DNAJC8: variants seen among roughly 807,000 people sequenced by gnomAD.
The protein encoded by DNAJC8 is dnaJ homolog subfamily C member 8.
Under a neutral mutation model 43.2 loss-of-function variants are expected in DNAJC8, and 24 were observed. That is an observed-to-expected ratio of 0.56 (90% CI 0.40 to 0.78). The LOEUF is 0.78. Among genes scored for constraint, DNAJC8 ranks in the 30% least tolerant of loss-of-function variants. DNAJC8 has a pLI of 0.00. For missense variants in DNAJC8, 207 were observed against 299.4 expected (o/e 0.69, Z 2.28); for synonymous variants, 83 against 98.0 (o/e 0.85, Z 0.90).
At chr1:28,204,159 C>CATTAT (rs1646754410) in intron 7 of DNAJC8, among the ~76,000 whole-genome samples, 1 of 152,144 alleles carries the variant, frequency 6.6e-6, no homozygotes, top group Admixed American at 6.6e-5. Context: ...GCAGAATGAC[C>CATTAT]ATTATAAAGC....
chr1:28,220,625 G>A (rs1462620462), intron 2 of DNAJC8, among the ~76,000 whole-genome samples: 1 of 152,162 alleles, frequency 6.6e-6, no homozygotes, highest in Non-Finnish European at 1.5e-5. Flanking sequence ...TGTGAGGGCA[G>A]AGACCTAATC....
At chr1:28,230,434 T>C (rs994490019) in intron 1 of DNAJC8, among the ~76,000 whole-genome samples, 1 of 152,144 alleles carries the variant, frequency 6.6e-6, no homozygotes, top group Non-Finnish European at 1.5e-5. Flanking sequence ...GTTAAATGAA[T>C]GAGGCCAGTG....
intron 3 of DNAJC8, among the ~76,000 whole-genome samples, chr1:28,212,265 T>G (rs1380316301): frequency 8.7e-6 from 1 of 115,532 alleles, no homozygotes; most frequent in African/African-American, 3.7e-5. Context: ...ATATTCGTTG[T>G]TCTATTCTTT....
chr1:28,226,561 A>C (rs547926859), intron 2 of DNAJC8, among the ~76,000 whole-genome samples: 4 of 151,428 alleles, frequency 2.6e-5, no homozygotes, highest in Non-Finnish European at 5.9e-5. Context: ...GAAATGATTA[A>C]ATAAATTATA....
chr1:28,214,835 A>G, intron 3 of DNAJC8, 105 bp downstream of exon 3: 1 of 908,910 alleles, frequency 1.1e-6, no homozygotes, highest in Non-Finnish European at 1.6e-6. Flanking sequence ...CTTAAAAAAA[A>G]GTTAAATTTT....
Position 28,208,367 on chromosome 1 carries a change from A to G in DNAJC8, c.446T>C (p.Ile149Thr), listed in dbSNP as rs1213105162. 1 of 1,613,366 alleles carries G rather than the reference A, an allele frequency of 6.2e-7. No homozygotes were observed. The highest frequency in any genetic ancestry group is 1.3e-5 in the African/African-American group (1 of 74,818). Residue 149 changes from isoleucine (I) to threonine (T), a missense_variant, in exon 6 of 9, where the codon ATT (isoleucine) becomes ACT (threonine). Around this residue, in one of 2 missense-constraint regions of DNAJC8, gnomAD observed 159 missense variants for 267.5 expected, o/e 0.59. Transcript: ENST00000263697. Reference protein sequence around the residue: ...KQLKKEGKPTIVEEDDPELFK... With the variant: ...KQLKKEGKPTTVEEDDPELFK... ...CAGCTCAGGATCATCCTCCTCTACAATTGTAGGTTTTCCTTCCTTCTTTAA... is the reference window on the plus strand; with the variant it reads ...CAGCTCAGGATCATCCTCCTCTACAGTTGTAGGTTTTCCTTCCTTCTTTAA...
Position 28,201,646 on chromosome 1 carries a change from G to A in DNAJC8, c.640-276C>T, listed in dbSNP as rs192394427. On this transcript the variant is annotated intron_variant, in intron 8 of 8. Transcript: ENST00000263697. ...TCTAATAAAAATACAAAAATTAGCC[G>A]GGCGTGGTGGCAGGTGCCTGTAATC... Among the ~76,000 whole-genome samples, 620 of 152,056 alleles carry A rather than the reference G, an allele frequency of 4.1e-3. 7 individuals are homozygous for A. The highest frequency in any genetic ancestry group is 0.014 in the African/African-American group (594 of 41,474).
chr1:28,222,951 G>C (rs1341021659), intron 2 of DNAJC8, among the ~76,000 whole-genome samples: 1 of 152,164 alleles, frequency 6.6e-6, no homozygotes, highest in Non-Finnish European at 1.5e-5. Flanking sequence ...GATGAGGAAA[G>C]CATCCGTGTG....
At chr1:28,229,479 G>GAA (rs34166816) in intron 1 of DNAJC8, among the ~76,000 whole-genome samples, 1 of 150,534 alleles carries the variant, frequency 6.6e-6, no homozygotes, top group East Asian at 1.9e-4. Flanking sequence ...TTAATTTTAA[G>GAA]AAAAAAAAAA....
At chr1:28,228,094 T>C (rs1490627542) in intron 2 of DNAJC8, among the ~76,000 whole-genome samples, 1 of 152,158 alleles carries the variant, frequency 6.6e-6, no homozygotes, top group African/African-American at 2.4e-5. Context: ...CTCACGCCTG[T>C]AATCCCAGCA....
At chr1:28,218,385 G>T (rs1433028483) in intron 2 of DNAJC8, among the ~76,000 whole-genome samples, 3 of 151,390 alleles carry the variant, frequency 2.0e-5, no homozygotes, top group Non-Finnish European at 4.4e-5. Context: ...GTGAGCCACC[G>T]CACCCAGCCT....
Position 28,210,123 on chromosome 1 carries a change from T to C in DNAJC8, c.305-57A>G. ...GCAAACACCCTCTGAAAGTCTGAACTATACTCAGGCAGTGTAAATGGACTT... is the reference window on the plus strand; with the variant it reads ...GCAAACACCCTCTGAAAGTCTGAACCATACTCAGGCAGTGTAAATGGACTT... On this transcript the variant is annotated intron_variant, in intron 4 of 8. Transcript: ENST00000263697. 3.4e-6 allele frequency: 5 copies of C among 1,475,970 alleles called. No homozygotes were observed. In the South Asian group the frequency reaches 4.5e-5, roughly 13 times the overall value. 91.4% of individuals were successfully genotyped at this position (1,475,970 alleles called of 1,614,324 possible). A position where few individuals can be genotyped will look rare whatever the true frequency, so the allele number is the denominator to read the frequency against.
intron 8 of DNAJC8, among the ~76,000 whole-genome samples, chr1:28,202,289 G>A (rs956138351): frequency 3.3e-5 from 5 of 152,000 alleles, no homozygotes; most frequent in Non-Finnish European, 5.9e-5. Flanking sequence ...CATTGTTGTT[G>A]TCTTTTGTGA....
At position 28,222,182 on chromosome 1, in the gene DNAJC8, G is replaced by C. The variant is rs1186729780; in HGVS notation, c.180+6740C>G. On this transcript the variant is annotated intron_variant, in intron 2 of 8. Transcript: ENST00000263697. ...TAGTAATGGTTGGACAACACTATGA[G>C]TGTATTTAAAAACAATGAACTGGCT... Among the ~76,000 whole-genome samples, 3 of 152,058 alleles carry C rather than the reference G, an allele frequency of 2.0e-5. No individual in the cohort carries two copies. The East Asian group carries it at 5.8e-4, about 29-fold the overall frequency.
chr1:28,212,566 G>A (rs1019023740), intron 3 of DNAJC8, among the ~76,000 whole-genome samples: 1 of 151,688 alleles, frequency 6.6e-6, no homozygotes, highest in Non-Finnish European at 1.5e-5. Flanking sequence ...ACAGGCATGA[G>A]CCACTATGCT....
chr1:28,208,697 CA>C, intron 5 of DNAJC8: 3 of 225,980 alleles, frequency 1.3e-5, no homozygotes, highest in Non-Finnish European at 2.6e-5. Flanking sequence ...TCATCAGATC[CA>C]AAAAGTCTTT....
At chr1:28,221,852 C>A (rs532005761) in intron 2 of DNAJC8, among the ~76,000 whole-genome samples, 7 of 152,176 alleles carry the variant, frequency 4.6e-5, no homozygotes, top group Admixed American at 2.6e-4. Context: ...TGTCCATCAG[C>A]GGATGAATGA....
At chr1:28,202,089 T>A (rs923143544) in intron 8 of DNAJC8, among the ~76,000 whole-genome samples, 2 of 151,758 alleles carry the variant, frequency 1.3e-5, no homozygotes, top group Non-Finnish European at 2.9e-5. Context: ...AAACTCCGTC[T>A]CAAAAAAAAA....
chr1:28,226,880 T>C (rs1557714012), intron 2 of DNAJC8, among the ~76,000 whole-genome samples: 1 of 151,212 alleles, frequency 6.6e-6, no homozygotes, highest in Non-Finnish European at 1.5e-5. Flanking sequence ...ATGTAATTTA[T>C]AATAAAATTG....
Sources: allele counts gnomAD v4.1 joint callset (sites outside exome capture counted in the v4.1 genomes callset), GRCh38; gene constraint gnomAD v4.1.1; regional missense constraint gnomAD v4.1.1; transcripts MANE v1.5; gene names NCBI Gene and HGNC (gene_info 2026-07-23, HGNC 2026-07-21).